The following TRERF1 variants were observed in gnomAD, a reference collection of about 807,000 sequenced individuals.
TRERF1 encodes transcriptional-regulating factor 1.
In TRERF1, 27 loss-of-function variants were observed where a neutral mutation model predicts 122.9. That is an observed-to-expected ratio of 0.22 (90% CI 0.16 to 0.30). The LOEUF (loss-of-function observed/expected upper bound fraction) is 0.30. Among genes scored for constraint, TRERF1 ranks in the 10% least tolerant of loss-of-function variants. The pLI is 1.00. For missense variants in TRERF1, 1,248 were observed against 1,560.3 expected (o/e 0.80, Z 3.37); for synonymous variants, 636 against 641.7 (o/e 0.99, Z 0.13).
chr6:42,365,306 C>T (rs757991296), intron 2 of TRERF1, among the ~76,000 whole-genome samples: 3 of 152,138 alleles, frequency 2.0e-5, no homozygotes, highest in South Asian at 2.1e-4. Context: ...GCCGTGGTTT[C>T]GTAGAGGCAC....
intron 3 of TRERF1, among the ~76,000 whole-genome samples, chr6:42,336,479 G>C (rs1766205203): frequency 6.6e-6 from 1 of 152,130 alleles, no homozygotes; most frequent in African/African-American, 2.4e-5. Context: ...ACCTTGGTCA[G>C]GAGGTATGTC....
intron 2 of TRERF1, among the ~76,000 whole-genome samples, chr6:42,398,334 A>G (rs1778922082): frequency 6.6e-6 from 1 of 152,116 alleles, no homozygotes; most frequent in Non-Finnish European, 1.5e-5. Context: ...GGACAGAATC[A>G]CCTCTGAGTT....
At chr6:42,426,064 C>T (rs1783600428) in intron 2 of TRERF1, among the ~76,000 whole-genome samples, 1 of 152,154 alleles carries the variant, frequency 6.6e-6, no homozygotes, top group African/African-American at 2.4e-5. Context: ...TAGGTGTCAC[C>T]CAGCAAGTTG....
intron 3 of TRERF1, among the ~76,000 whole-genome samples, chr6:42,355,713 G>A (rs1770409730): frequency 6.6e-6 from 1 of 152,136 alleles, no homozygotes. Flanking sequence ...GTGTCCACGT[G>A]GACATTACCA....
chr6:42,307,689 G>GAA (rs34629644), intron 3 of TRERF1, among the ~76,000 whole-genome samples: 167 of 122,472 alleles, frequency 1.4e-3, no homozygotes, highest in East Asian at 6.0e-3. Context: ...GTAAATGTAT[G>GAA]AAAAAAAAAA....
chr6:42,378,792 A>C (rs1439462079), intron 2 of TRERF1, among the ~76,000 whole-genome samples: 1 of 152,168 alleles, frequency 6.6e-6, no homozygotes, highest in South Asian at 2.1e-4. Context: ...TTCCCCTCCC[A>C]ACCTCCCAAT....
intron 8 of TRERF1, among the ~76,000 whole-genome samples, chr6:42,262,433 G>GCCGAGAGACA (rs1554133983): frequency 8.5e-5 from 1 of 11,778 alleles, no homozygotes; most frequent in Non-Finnish European, 1.7e-4. Context: ...TTCCCTAGGG[G>GCCGAGAGACA]CAGAGAGAGA....
chr6:42,261,170 C>CA (rs1435323118), intron 8 of TRERF1, among the ~76,000 whole-genome samples: 1 of 152,178 alleles, frequency 6.6e-6, no homozygotes, highest in African/African-American at 2.4e-5. Flanking sequence ...GGAAGGAGGC[C>CA]TGTGCCCCCC....
At chr6:42,264,210 C>T (rs2149841302) in intron 7 of TRERF1, among the ~76,000 whole-genome samples, 1 of 152,264 alleles carries the variant, frequency 6.6e-6, no homozygotes, top group African/African-American at 2.4e-5. Context: ...AGTTTACTAT[C>T]TGGATATCCT....
At chr6:42,345,698 T>A (rs1768133822) in intron 3 of TRERF1, among the ~76,000 whole-genome samples, 1 of 152,298 alleles carries the variant, frequency 6.6e-6, no homozygotes, top group African/African-American at 2.4e-5. Flanking sequence ...CCACTTTGCA[T>A]AAAAAGCCTC....
At chr6:42,389,978 G>A (rs1777442204) in intron 2 of TRERF1, among the ~76,000 whole-genome samples, 1 of 152,198 alleles carries the variant, frequency 6.6e-6, no homozygotes, top group African/African-American at 2.4e-5. Flanking sequence ...CCAACAGGAG[G>A]CATTTTAAGC....
chr6:42,361,554 C>T (rs1278400571), intron 3 of TRERF1, among the ~76,000 whole-genome samples: 3 of 152,148 alleles, frequency 2.0e-5, no homozygotes, highest in Non-Finnish European at 4.4e-5. Context: ...CCTTGACTTC[C>T]CTGGGTCTTT....
At chr6:42,412,704 C>T (rs920441838) in intron 2 of TRERF1, among the ~76,000 whole-genome samples, 2 of 152,090 alleles carry the variant, frequency 1.3e-5, no homozygotes, top group Non-Finnish European at 2.9e-5. Flanking sequence ...GCAGGAGGAT[C>T]ACTTGAGGCC....
At chr6:42,237,516 C>G (rs370176883) in intron 15 of TRERF1, among the ~76,000 whole-genome samples, 1 of 152,166 alleles carries the variant, frequency 6.6e-6, no homozygotes, top group African/African-American at 2.4e-5. Flanking sequence ...ACAGACCTGT[C>G]GTTTTATAAA....
At chr6:42,413,710 G>T (rs1324951645) in intron 2 of TRERF1, among the ~76,000 whole-genome samples, 1 of 152,186 alleles carries the variant, frequency 6.6e-6, no homozygotes, top group Non-Finnish European at 1.5e-5. Context: ...TTACAGGCGT[G>T]GGCCACCGCG....
At chr6:42,417,801 C>A (rs375394673) in intron 2 of TRERF1, among the ~76,000 whole-genome samples, 7 of 152,132 alleles carry the variant, frequency 4.6e-5, no homozygotes, top group African/African-American at 9.7e-5. Flanking sequence ...TTGGTCACAC[C>A]CCCCCAACAG....
At chr6:42,389,645 A>T (rs904708186) in intron 2 of TRERF1, among the ~76,000 whole-genome samples, 1 of 152,182 alleles carries the variant, frequency 6.6e-6, no homozygotes, top group Non-Finnish European at 1.5e-5. Context: ...TTGATTAAGC[A>T]CCTATAATGC....
Position 42,444,597 on chromosome 6 carries a change from T to C in TRERF1, c.-454+6580A>G, listed in dbSNP as rs166338. ...CCTTATCAGTTTTTCTTCCCTGTCATGATGGAGCAAGTTCCTGAAGTATCC... is the reference window on the plus strand; with the variant it reads ...CCTTATCAGTTTTTCTTCCCTGTCACGATGGAGCAAGTTCCTGAAGTATCC... On this transcript the variant is annotated intron_variant, in intron 2 of 17. Transcript: ENST00000372922. Among the ~76,000 whole-genome samples the C allele has an allele frequency of 7.2e-3, 1,100 of 152,244 alleles. 12 individuals carry two copies. The highest frequency in any genetic ancestry group is 0.025 in the African/African-American group (1,024 of 41,546).
intron 2 of TRERF1, among the ~76,000 whole-genome samples, chr6:42,436,812 AAAATAT>A (rs1277539677): frequency 5.6e-4 from 55 of 97,964 alleles, no homozygotes; most frequent in South Asian, 8.9e-4. Context: ...AAAAAAAAAA[AAAATAT>A]ATATATATAT....
Sources: gnomAD v4.1 joint callset for allele counts (sites outside exome capture counted in the v4.1 genomes callset) on GRCh38, gnomAD v4.1.1 for gene constraint, MANE v1.5 for transcripts, NCBI Gene and HGNC (gene_info 2026-07-23, HGNC 2026-07-21) for gene names.